The following GRIA3 variants were observed in gnomAD, a reference collection of about 807,000 sequenced individuals.
GRIA3 encodes glutamate receptor 3.
In GRIA3, 3 loss-of-function variants were observed where a neutral mutation model predicts 63.0. The observed-to-expected ratio is 0.05, with a 90% CI of 0.02 to 0.12. The LOEUF (loss-of-function observed/expected upper bound fraction) is 0.12, where lower values mean the gene tolerates loss of function less well. GRIA3 is among the 10% of genes least tolerant of loss of function. The pLI, the probability that GRIA3 is intolerant of heterozygous loss-of-function variation, is 1.00. For missense variants in GRIA3, 347 were observed against 700.9 expected (o/e 0.50, Z 5.70); for synonymous variants, 274 against 257.9 (o/e 1.06, Z -0.60).
chrX:123,245,518 G>A (rs141866984), intron 2 of GRIA3, among the ~76,000 whole-genome samples: 1,678 of 111,851 alleles, frequency 0.015, 18 homozygotes, highest in Middle Eastern at 0.069. Context: ...CAAAATCTTT[G>A]AAACACATCC....
chrX:123,274,774 G>A (rs1331954772), intron 3 of GRIA3, among the ~76,000 whole-genome samples: 1 of 111,829 alleles, frequency 8.9e-6, no homozygotes, highest in Non-Finnish European at 1.9e-5. Flanking sequence ...CCCCAAGAGT[G>A]ACAGTGGGAA....
At chrX:123,292,062 T>G (rs1327959573) in intron 3 of GRIA3, among the ~76,000 whole-genome samples, 2 of 111,296 alleles carry the variant, frequency 1.8e-5, no homozygotes, top group Non-Finnish European at 3.8e-5. Flanking sequence ...TGTCAAGTTT[T>G]ATTTTTTTTT....
At chrX:123,473,863 TTC>T (rs1354764243) in intron 13 of GRIA3, among the ~76,000 whole-genome samples, 1 of 112,239 alleles carries the variant, frequency 8.9e-6, no homozygotes, top group East Asian at 2.8e-4. Context: ...TTTCTTTTAC[TTC>T]TCTGTGATCT....
chrX:123,391,289 T>A (rs1045574318), intron 5 of GRIA3, among the ~76,000 whole-genome samples: 3 of 111,503 alleles, frequency 2.7e-5, no homozygotes, highest in Non-Finnish European at 5.6e-5. Flanking sequence ...TATTTTAAAT[T>A]TGCTTTTGTA....
intron 4 of GRIA3, among the ~76,000 whole-genome samples, chrX:123,330,156 T>C (rs1192368211): frequency 8.9e-6 from 1 of 112,161 alleles, no homozygotes; most frequent in Non-Finnish European, 1.9e-5. Flanking sequence ...GCCTGACACG[T>C]AGTGTTTATA....
At chrX:123,236,880 T>C (rs1198176972) in intron 2 of GRIA3, among the ~76,000 whole-genome samples, 2 of 111,795 alleles carry the variant, frequency 1.8e-5, no homozygotes, top group East Asian at 5.7e-4. Context: ...ACAGAACACC[T>C]GTTTCCTGGG....
intron 13 of GRIA3, chrX:123,465,821 T>C: frequency 1.0e-6 from 1 of 973,608 alleles, no homozygotes; most frequent in Non-Finnish European, 1.5e-6. Context: ...CCGGGTACCC[T>C]TAGTGACGAG....
At chrX:123,213,203 G>A (rs1401238078) in intron 2 of GRIA3, among the ~76,000 whole-genome samples, 1 of 112,002 alleles carries the variant, frequency 8.9e-6, no homozygotes, top group Non-Finnish European at 1.9e-5. Flanking sequence ...CCATGAAACC[G>A]GTCTCTGGTG....
intron 5 of GRIA3, among the ~76,000 whole-genome samples, chrX:123,376,921 T>G (rs1260050071): frequency 4.3e-4 from 44 of 101,479 alleles, no homozygotes; most frequent in African/African-American, 1.5e-3. Flanking sequence ...TCCCCTCTTC[T>G]TTTCATTCAC....
chrX:123,428,241 G>A (rs1485897544), intron 12 of GRIA3, 102 bp downstream of exon 12: 2 of 584,109 alleles, frequency 3.4e-6, no homozygotes, highest in East Asian at 3.4e-5. Context: ...GAAAGAGTGG[G>A]AATGTTATCA....
intron 3 of GRIA3, among the ~76,000 whole-genome samples, chrX:123,275,050 T>C (rs2044546792): frequency 2.7e-5 from 3 of 111,243 alleles, no homozygotes; most frequent in Admixed American, 1.9e-4. Flanking sequence ...CTGACTCATA[T>C]GTAAGATAAC....
intron 5 of GRIA3, among the ~76,000 whole-genome samples, chrX:123,367,206 C>T (rs910344846): frequency 1.4e-4 from 16 of 111,758 alleles, no homozygotes; most frequent in African/African-American, 4.5e-4. Context: ...TGCTGCAAAA[C>T]AGCTTAAACA....
At chrX:123,332,508 T>C (rs752524015) in intron 4 of GRIA3, among the ~76,000 whole-genome samples, 2 of 111,320 alleles carry the variant, frequency 1.8e-5, no homozygotes, top group African/African-American at 3.3e-5. Flanking sequence ...CAACCAATAA[T>C]TGGTAGAGAT....
At chrX:123,335,498 A>C (rs1405775242) in intron 4 of GRIA3, among the ~76,000 whole-genome samples, 1 of 111,765 alleles carries the variant, frequency 8.9e-6, no homozygotes, top group Non-Finnish European at 1.9e-5. Context: ...CTGTTATCCT[A>C]CTACTCAGAT....
Position 123,374,516 on chromosome X carries a change from T to A in GRIA3, c.750+19553T>A, listed in dbSNP as rs1162748823. 6.9e-4 allele frequency among the ~76,000 whole-genome samples: 77 copies of A among 112,040 alleles called. 1 individual carries two copies. Among genetic ancestry groups the A allele is most frequent in the Non-Finnish European group, 3.6e-4 (19 of 53,228 alleles). On this transcript the variant is annotated intron_variant, in intron 5 of 15. Transcript: ENST00000620443. ...TGGAATGTTCTTCCATTTGTTTGTG[T>A]CCTCCTTTATTTCGTTGAGCAGTGT... is the stretch of plus-strand genomic sequence containing the variant.
chrX:123,396,483 G>T (rs895909934), intron 6 of GRIA3, among the ~76,000 whole-genome samples: 5 of 110,671 alleles, frequency 4.5e-5, no homozygotes, highest in Non-Finnish European at 7.6e-5. Flanking sequence ...ATTTTTCCAA[G>T]ATAGTCTTAT....
chrX:123,262,014 G>C (rs912560619), intron 3 of GRIA3, among the ~76,000 whole-genome samples: 2 of 111,573 alleles, frequency 1.8e-5, no homozygotes, highest in African/African-American at 6.5e-5. Context: ...ACCCATTAAG[G>C]GTTATCTGGA....
Position 123,280,557 on chromosome X carries a change from TC to T in GRIA3, c.508+27016del, listed in dbSNP as rs1379747226. Among the ~76,000 whole-genome samples, 3 of 112,138 alleles carry T rather than the reference TC, an allele frequency of 2.7e-5. No homozygotes were observed. The Admixed American group carries it at 2.8e-4, about 11-fold the overall frequency. On this transcript the variant is annotated intron_variant, in intron 3 of 15. Coordinates refer to ENST00000620443, the MANE Select transcript of GRIA3 (RefSeq NM_007325.5). ...ACTACAAGAATGTTGAAACAACGTA[TC>T]TAGTTTGGTCTACTTTTGGCATATT...
intron 13 of GRIA3, among the ~76,000 whole-genome samples, chrX:123,477,701 T>G (rs2147443664): frequency 8.9e-6 from 1 of 112,264 alleles, no homozygotes; most frequent in Non-Finnish European, 1.9e-5. Flanking sequence ...GCCACACTTT[T>G]ATGAATGTAG....
Sources: gnomAD v4.1 joint callset for allele counts (sites outside exome capture counted in the v4.1 genomes callset) on GRCh38, gnomAD v4.1.1 for gene constraint, MANE v1.5 for transcripts, NCBI Gene and HGNC (gene_info 2026-07-23, HGNC 2026-07-21) for gene names.